MGAT5: variants seen among roughly 807,000 people sequenced by gnomAD.
The protein encoded by MGAT5 is alpha-1,6-mannosylglycoprotein 6-beta-N-acetylglucosaminyltransferase.
A neutral mutation model predicts 94.3 loss-of-function variants in MGAT5; 30 were observed. The ratio of observed to expected loss-of-function variants is 0.32; its 90% CI spans 0.24 to 0.43. The LOEUF (loss-of-function observed/expected upper bound fraction) is 0.43. Among genes scored for constraint, MGAT5 ranks in the 20% least tolerant of loss-of-function variants. The pLI is 1.00. For synonymous variants in MGAT5, 310 were observed against 322.9 expected (o/e 0.96, Z 0.43); for missense variants, 691 against 905.5 (o/e 0.76, Z 3.04).
At chr2:134,422,780 T>A in intron 12 of MGAT5, 23 bp from the exon 13 acceptor site, 2 of 1,589,464 alleles carry the variant, frequency 1.3e-6, no homozygotes, top group Non-Finnish European at 1.7e-6. Context: ...CTTGTGAGAC[T>A]GAGGTGTTCG....
chr2:134,130,753 A>G (rs1686117223), intron 1 of MGAT5, among the ~76,000 whole-genome samples: 1 of 143,798 alleles, frequency 7.0e-6, no homozygotes, highest in African/African-American at 2.5e-5. Flanking sequence ...GTCTAGCTAA[A>G]GGATTGTAAA....
rs186726621 is a variant in MGAT5 at position 134,333,959 on chromosome 2, C to T, written c.574-2258C>T. On this transcript the variant is annotated intron_variant, in intron 4 of 15. Coordinates refer to ENST00000281923, the MANE Select transcript of MGAT5 (RefSeq NM_002410.5). ...TGTATAATTTAATTATTTTGTTAAC[C>T]AGTTATCCTATCACAGCATACAAAA... Among the ~76,000 whole-genome samples the T allele has an allele frequency of 2.6e-5, 4 of 152,166 alleles. No homozygotes were observed. In the East Asian group the frequency reaches 7.7e-4, roughly 29 times the overall value.
intron 1 of MGAT5, among the ~76,000 whole-genome samples, chr2:134,163,105 C>T (rs549274126): frequency 5.3e-5 from 8 of 152,192 alleles, no homozygotes; most frequent in African/African-American, 1.9e-4. Context: ...AGGAGAGTTA[C>T]TACACCCAGG....
intron 6 of MGAT5, among the ~76,000 whole-genome samples, chr2:134,340,589 C>T (rs1688567687): frequency 1.3e-5 from 2 of 152,266 alleles, no homozygotes; most frequent in South Asian, 2.1e-4. Context: ...GAAAAACTGG[C>T]AAATGAAGAG....
chr2:134,422,984 C>T, intron 13 of MGAT5, 65 bp downstream of exon 13: 2 of 1,165,354 alleles, frequency 1.7e-6, no homozygotes, highest in Admixed American at 3.6e-5. Flanking sequence ...TAAAACACAT[C>T]ATAGGTCCTT....
chr2:134,420,979 C>T (rs1684256758), intron 12 of MGAT5, among the ~76,000 whole-genome samples: 1 of 152,172 alleles, frequency 6.6e-6, no homozygotes, highest in African/African-American at 2.4e-5. Context: ...AGGAATGAAA[C>T]ATTCAGCTGA....
At chr2:134,362,213 T>C in intron 9 of MGAT5, 62 bp from the exon 10 acceptor site, 1 of 1,573,118 alleles carries the variant, frequency 6.4e-7, no homozygotes, top group African/African-American at 1.4e-5. Context: ...GTTAAATATG[T>C]GATTGTTATT....
intron 2 of MGAT5, among the ~76,000 whole-genome samples, chr2:134,275,864 A>G (rs1684329874): frequency 6.6e-6 from 1 of 152,038 alleles, no homozygotes; most frequent in Non-Finnish European, 1.5e-5. Context: ...CTGGGATTAC[A>G]AGCATGAGCC....
chr2:134,423,274 T>G (rs992935781), intron 13 of MGAT5, among the ~76,000 whole-genome samples: 1 of 152,230 alleles, frequency 6.6e-6, no homozygotes, highest in Non-Finnish European at 1.5e-5. Flanking sequence ...GAGGGAGAAG[T>G]GCAAGGAAAT....
At chr2:134,401,750 G>A (rs551520481) in intron 10 of MGAT5, among the ~76,000 whole-genome samples, 65 of 152,318 alleles carry the variant, frequency 4.3e-4, no homozygotes, top group African/African-American at 1.5e-3. Flanking sequence ...CATTAGGGTG[G>A]CAAGGGTGGT....
chr2:134,207,781 C>T (rs1010447006), intron 1 of MGAT5, among the ~76,000 whole-genome samples: 2 of 152,112 alleles, frequency 1.3e-5, no homozygotes, highest in African/African-American at 4.8e-5. Context: ...CCATCTACCG[C>T]CCCCTGCCTG....
rs910025640 is a variant in MGAT5 at position 134,302,114 on chromosome 2, C to G, written c.407-15415C>G. ...TGTGATCTGTTGCAGTGATTTAACT[C>G]TGTCATTGTACTACAAGAGCAACAC... is the stretch of plus-strand genomic sequence containing the variant. On this transcript the variant is annotated intron_variant, in intron 2 of 15. Coordinates refer to ENST00000281923, the MANE Select transcript of MGAT5 (RefSeq NM_002410.5). Among the ~76,000 whole-genome samples the G allele has an allele frequency of 4.0e-4, 61 of 152,152 alleles. 1 individual carries two copies. Among genetic ancestry groups the G allele is most frequent in the African/African-American group, 1.4e-3 (59 of 41,438 alleles).
chr2:134,131,495 G>A (rs531386723), intron 1 of MGAT5, among the ~76,000 whole-genome samples: 2 of 150,884 alleles, frequency 1.3e-5, no homozygotes, highest in South Asian at 4.2e-4. Context: ...AATGGAAAAC[G>A]TTAAAATAAT....
At chr2:134,189,461 A>G (rs1160447970) in intron 1 of MGAT5, among the ~76,000 whole-genome samples, 5 of 152,104 alleles carry the variant, frequency 3.3e-5, no homozygotes, top group African/African-American at 1.2e-4. Flanking sequence ...AAAATATAAG[A>G]TGGTGGCCTG....
chr2:134,179,462 C>G (rs1187262232), intron 1 of MGAT5, among the ~76,000 whole-genome samples: 6 of 152,148 alleles, frequency 3.9e-5, no homozygotes, highest in Non-Finnish European at 5.9e-5. Context: ...GGGTACCCAA[C>G]CCTGTATCTT....
intron 1 of MGAT5, among the ~76,000 whole-genome samples, chr2:134,138,484 C>G (rs908425372): frequency 6.6e-6 from 1 of 152,180 alleles, no homozygotes; most frequent in African/African-American, 2.4e-5. Context: ...GGATAGATCC[C>G]ATTACCATTT....
At chr2:134,401,520 C>A (rs1683051801) in intron 10 of MGAT5, among the ~76,000 whole-genome samples, 1 of 152,062 alleles carries the variant, frequency 6.6e-6, no homozygotes. Context: ...GAGCCCCCTG[C>A]CTACTTAACA....
chr2:134,432,831 G>A (rs1684956590), intron 14 of MGAT5, among the ~76,000 whole-genome samples: 1 of 152,236 alleles, frequency 6.6e-6, no homozygotes, highest in South Asian at 2.1e-4. Context: ...TTAGCACTAA[G>A]AACAATGCCT....
intron 10 of MGAT5, among the ~76,000 whole-genome samples, chr2:134,381,247 T>C (rs780110541): frequency 6.6e-6 from 1 of 152,046 alleles, no homozygotes; most frequent in Non-Finnish European, 1.5e-5. Flanking sequence ...CCAGGACGAT[T>C]GCTTGTATTG....
Sources: gnomAD v4.1 joint callset for allele counts (sites outside exome capture counted in the v4.1 genomes callset) on GRCh38, gnomAD v4.1.1 for gene constraint, MANE v1.5 for transcripts, NCBI Gene and HGNC (gene_info 2026-07-23, HGNC 2026-07-21) for gene names.